LOXL2: variants seen among roughly 807,000 people sequenced by gnomAD.
LOXL2 encodes the protein lysyl oxidase homolog 2.
A neutral mutation model predicts 93.0 loss-of-function variants in LOXL2; 70 were observed. The observed-to-expected ratio is 0.75, with a 90% CI of 0.62 to 0.92. The LOEUF (loss-of-function observed/expected upper bound fraction) is 0.92. LOXL2 is among the 40% of genes least tolerant of loss of function. The pLI is 0.00. For missense variants in LOXL2, 973 were observed against 1,054.9 expected, an observed-to-expected ratio of 0.92 and a Z score of 1.08; for synonymous variants, 438 against 413.2, an observed-to-expected ratio of 1.06 and a Z score of -0.73.
At chr8:23,323,417 T>C (rs1472119788) in intron 6 of LOXL2, among the ~76,000 whole-genome samples, 10 of 152,242 alleles carry the variant, frequency 6.6e-5, no homozygotes, top group Non-Finnish European at 1.3e-4. Flanking sequence ...TCCTGCCTCC[T>C]GCACTGTCCT....
intron 5 of LOXL2, 44 bp from the exon 6 acceptor site, chr8:23,328,609 G>T (rs538265591): frequency 6.4e-7 from 1 of 1,571,246 alleles, no homozygotes. Flanking sequence ...GCTGATGCAC[G>T]TTCAGCGGGT....
At chr8:23,381,452 G>A (rs1487130186) in intron 1 of LOXL2, among the ~76,000 whole-genome samples, 1 of 152,134 alleles carries the variant, frequency 6.6e-6, no homozygotes, top group Non-Finnish European at 1.5e-5. Context: ...CAGTATGTAG[G>A]TTTCCCCCAA....
chr8:23,399,003 A>G (rs144599359), intron 1 of LOXL2, among the ~76,000 whole-genome samples: 1 of 152,296 alleles, frequency 6.6e-6, no homozygotes, highest in East Asian at 1.9e-4. Flanking sequence ...CAGGTGAGAG[A>G]TTTCTGATGT....
intron 1 of LOXL2, among the ~76,000 whole-genome samples, chr8:23,378,546 G>T (rs1804626718): frequency 6.6e-6 from 1 of 152,162 alleles, no homozygotes; most frequent in Non-Finnish European, 1.5e-5. Flanking sequence ...TTCCAACTTG[G>T]TTCCATTCTC....
At chr8:23,397,349 GGTGA>G (rs1175602962) in intron 1 of LOXL2, among the ~76,000 whole-genome samples, 1 of 152,036 alleles carries the variant, frequency 6.6e-6, no homozygotes, top group African/African-American at 2.4e-5. Flanking sequence ...TAGTTAAGAT[GGTGA>G]GTTTTATGTT....
At chr8:23,309,156 C>T (rs563765961) in intron 10 of LOXL2, among the ~76,000 whole-genome samples, 39 of 151,946 alleles carry the variant, frequency 2.6e-4, no homozygotes, top group African/African-American at 8.9e-4. Flanking sequence ...GGCTAATTTT[C>T]GTATTTTTAG....
rs761545727 is a variant in LOXL2, at chr8:23,298,107, T to C, written c.2261A>G (p.Glu754Gly). The change falls in exon 14 of 14, where the codon GAA becomes GGA. Residue 754 changes from glutamate to glycine, a missense_variant. Glu to Gly is a moderately conservative substitution (Grantham distance 98). Transcript: ENST00000389131. ...YNCHIGGSFS[E>G]ETEKKFEHFS... The stretch of plus-strand genomic sequence containing the variant: ...GTGCTCAAACTTTTTTTCCGTCTCT[T>C]CGCTGAAGGAACCACCTGAAGAGCG... 6.2e-7 allele frequency: 1 copy of C among 1,613,556 alleles called. No homozygotes were observed. Among genetic ancestry groups the C allele is most frequent in the South Asian group, 1.1e-5 (1 of 91,040 alleles).
In LOXL2 at chr8:23,368,287, A is replaced by T. The variant is rs1563203953; in HGVS notation, c.65T>A (p.Leu22Gln). ...CCAGCTGTCATACTGTGCCAGGCTC[A>T]GGGGGGACAGGAGGGCCAGCATAGC... The part of the protein sequence containing the change: ...CLAMLALLSP[L>Q]SLAQYDSWPH... The change falls in exon 2 of 14, where the codon CTG (leucine) becomes CAG (glutamine). Residue 22 changes from leucine (L) to glutamine (Q), a missense_variant. Coordinates refer to ENST00000389131, the MANE Select transcript of LOXL2 (RefSeq NM_002318.3). The T allele has an allele frequency of 6.2e-7, 1 of 1,613,532 alleles. No individual in the cohort carries two copies. The highest frequency in any genetic ancestry group is 1.7e-5 in the Admixed American group (1 of 60,018).
intron 12 of LOXL2, among the ~76,000 whole-genome samples, chr8:23,299,165 C>T (rs1199225504): frequency 6.6e-6 from 1 of 152,242 alleles, no homozygotes; most frequent in Non-Finnish European, 1.5e-5. Context: ...ACCCTGCCCT[C>T]TGTCCATATC....
In LOXL2 at chr8:23,322,276, C is replaced by T. The variant is rs201086267; in HGVS notation, c.1156G>A (p.Gly386Arg). The change falls in exon 7 of 14, where the codon GGA (glycine) becomes AGA (arginine). Residue 386 changes from glycine (G) to arginine (R), a missense_variant. By Grantham distance (125) the Gly-to-Arg change is moderately radical (BLOSUM62 -2). Coordinates refer to ENST00000389131, the MANE Select transcript of LOXL2 (RefSeq NM_002318.3). ...TGGATCTCGTTGAGGTGGATGGGTC[C>T]GATCCCTGCAAGGGGAGAATAAACA... ...VTGSRLGQGI[G>R]PIHLNEIQCT... is the part of the protein sequence containing the mutation. 28 of 1,613,904 alleles carry T rather than the reference C, an allele frequency of 1.7e-5. No homozygotes were observed. Among genetic ancestry groups the T allele is most frequent in the Admixed American group, 5.0e-5 (3 of 59,996 alleles).
chr8:23,391,414 G>T (rs1360230025), intron 1 of LOXL2, among the ~76,000 whole-genome samples: 1 of 152,082 alleles, frequency 6.6e-6, no homozygotes, highest in Non-Finnish European at 1.5e-5. Flanking sequence ...CCAGTATAGT[G>T]ACTGGCTCAG....
chr8:23,313,011 C>T (rs1043239660), intron 9 of LOXL2, among the ~76,000 whole-genome samples: 30 of 150,368 alleles, frequency 2.0e-4, no homozygotes, highest in African/African-American at 4.7e-4. Context: ...CAACAAGAGA[C>T]GAACAGAGAG....
At chr8:23,342,433 CTT>C (rs1178917449) in intron 3 of LOXL2, among the ~76,000 whole-genome samples, 12 of 137,268 alleles carry the variant, frequency 8.7e-5, no homozygotes, top group East Asian at 2.7e-4. Context: ...TTTTCTTTTT[CTT>C]TTTTTTTTTT....
intron 1 of LOXL2, chr8:23,402,543 C>A (rs1158132919): frequency 6.6e-6 from 1 of 152,244 alleles, no homozygotes; most frequent in Non-Finnish European, 1.5e-5. Flanking sequence ...TGGGAACTGA[C>A]CAGGGAAATG....
At position 23,366,144 on chromosome 8, in the gene LOXL2, T is replaced by A. The variant is rs541392426; in HGVS notation, c.355+1853A>T. ...AAAAATACCCAGTCACTGGAAAGCA[T>A]TTGTTATAAAATAATGAGCGTTGGA... On this transcript the variant is annotated intron_variant, in intron 2 of 13. Coordinates refer to ENST00000389131, the MANE Select transcript of LOXL2 (RefSeq NM_002318.3). The A allele has an allele frequency of 3.9e-5, 6 of 152,302 alleles. 1 individual carries two copies. Among genetic ancestry groups the A allele is most frequent in the African/African-American group, 1.4e-4 (6 of 41,552 alleles). The allele number at this position is 152,302 out of a possible 1,614,324, so 9.4% of individuals were successfully genotyped here. A position where few individuals can be genotyped will look rare whatever the true frequency, so the allele number is the denominator to read the frequency against.
At chr8:23,385,334 C>T (rs369103951) in intron 1 of LOXL2, among the ~76,000 whole-genome samples, 1 of 148,544 alleles carries the variant, frequency 6.7e-6, no homozygotes, top group East Asian at 2.0e-4. Context: ...GCAACCTCTG[C>T]GTCCCAGGTT....
chr8:23,397,288 T>C (rs892619991), intron 1 of LOXL2, among the ~76,000 whole-genome samples: 1 of 152,178 alleles, frequency 6.6e-6, no homozygotes, highest in Non-Finnish European at 1.5e-5. Context: ...ATGGTGATGG[T>C]AGCACAGCAG....
At chr8:23,379,716 G>A (rs533528376) in intron 1 of LOXL2, among the ~76,000 whole-genome samples, 10 of 152,298 alleles carry the variant, frequency 6.6e-5, no homozygotes, top group Middle Eastern at 3.4e-3. Context: ...GTGAGGCTCC[G>A]TGGGCGTGGG....
At chr8:23,317,990 T>C (rs7816483) in intron 8 of LOXL2, among the ~76,000 whole-genome samples, 84,168 of 151,594 alleles carry the variant, frequency 0.56, 25,711 homozygotes, top group Non-Finnish European at 0.69. Flanking sequence ...CCTGTGATGG[T>C]TCATTTTACG....
Sources: gnomAD v4.1 joint callset for allele counts (sites outside exome capture counted in the v4.1 genomes callset) on GRCh38, gnomAD v4.1.1 for gene constraint, MANE v1.5 for transcripts, NCBI Gene and HGNC (gene_info 2026-07-23, HGNC 2026-07-21) for gene names.